The following DEUP1 variants were observed in gnomAD, a reference collection of about 807,000 sequenced individuals.
The protein encoded by DEUP1 is coiled-coil domain containing 67.
DEUP1 carries 82 observed loss-of-function variants against 87.4 expected under a neutral mutation model. The observed-to-expected ratio is 0.94, with a 90% confidence interval of 0.78 to 1.13. The LOEUF (loss-of-function observed/expected upper bound fraction) is 1.13. Ranked by LOEUF, DEUP1 falls within the 50% of genes most tolerant of loss-of-function variation. The probability of loss-of-function intolerance (pLI) is 0.00; values close to 1 mark genes in which losing one functional copy is unlikely to be tolerated. For missense variants in DEUP1, 663 were observed against 681.5 expected, an observed-to-expected ratio of 0.97 and a Z score of 0.30; for synonymous variants, 214 against 222.7, an observed-to-expected ratio of 0.96 and a Z score of 0.35.
At chr11:93,335,748 T>C (rs1943727356) in intron 2 of DEUP1, among the ~76,000 whole-genome samples, 1 of 152,246 alleles carries the variant, frequency 6.6e-6, no homozygotes, top group Non-Finnish European at 1.5e-5. Flanking sequence ...AATATCTTTG[T>C]TCATCACCTT....
intron 11 of DEUP1, among the ~76,000 whole-genome samples, chr11:93,398,595 T>A (rs1245690356): frequency 6.6e-6 from 1 of 152,196 alleles, no homozygotes; most frequent in Non-Finnish European, 1.5e-5. Context: ...AATAGCTCTT[T>A]AATTTGCATT....
intron 11 of DEUP1, among the ~76,000 whole-genome samples, chr11:93,400,305 G>A (rs184501827): frequency 3.3e-5 from 5 of 152,292 alleles, no homozygotes; most frequent in Admixed American, 3.3e-4. Flanking sequence ...ACCTGTAGAA[G>A]AGAATGTTTC....
chr11:93,343,862 G>T (rs934618133), intron 2 of DEUP1, among the ~76,000 whole-genome samples: 1 of 152,040 alleles, frequency 6.6e-6, no homozygotes, highest in Non-Finnish European at 1.5e-5. Context: ...GAATAATGAG[G>T]TTTATACCTT....
intron 12 of DEUP1, 44 bp from the exon 13 acceptor site, chr11:93,414,954 CAT>C (rs757871740): frequency 2.2e-5 from 23 of 1,056,202 alleles, no homozygotes; most frequent in Non-Finnish European, 2.1e-5. Context: ...CATAAATAAA[CAT>C]GTGTCCTTGA....
intron 1 of DEUP1, among the ~76,000 whole-genome samples, chr11:93,331,630 G>A (rs1468075701): frequency 6.6e-6 from 1 of 152,142 alleles, no homozygotes; most frequent in Non-Finnish European, 1.5e-5. Context: ...CTCTTTTAAT[G>A]GGAATTCTGT....
chr11:93,432,209 G>A (rs1273564121), intron 13 of DEUP1, among the ~76,000 whole-genome samples: 1 of 152,200 alleles, frequency 6.6e-6, no homozygotes, highest in Non-Finnish European at 1.5e-5. Context: ...AGAGGATGGG[G>A]CTCAAGGAGG....
At chr11:93,354,616 G>C (rs538982263) in intron 2 of DEUP1, among the ~76,000 whole-genome samples, 9 of 152,222 alleles carry the variant, frequency 5.9e-5, no homozygotes, top group Non-Finnish European at 1.3e-4. Context: ...TCAGAATCAT[G>C]GGGGGAGCCA....
chr11:93,418,462 C>A (rs1947729084), intron 13 of DEUP1, among the ~76,000 whole-genome samples: 2 of 152,134 alleles, frequency 1.3e-5, no homozygotes, highest in African/African-American at 2.4e-5. Context: ...CAGAGAAATG[C>A]AAATCAAAAC....
At chr11:93,361,630 A>G (rs1035266226) in intron 4 of DEUP1, among the ~76,000 whole-genome samples, 2 of 152,124 alleles carry the variant, frequency 1.3e-5, no homozygotes, top group Non-Finnish European at 2.9e-5. Flanking sequence ...AAAAAGATCT[A>G]CAAAGAGATA....
chr11:93,427,496 A>G (rs1435050151), intron 13 of DEUP1, among the ~76,000 whole-genome samples: 1 of 152,134 alleles, frequency 6.6e-6, no homozygotes, highest in East Asian at 1.9e-4. Context: ...AAAGAGTTAA[A>G]TGTTAGACCT....
chr11:93,428,292 G>A (rs180697617), intron 13 of DEUP1, among the ~76,000 whole-genome samples: 3 of 152,108 alleles, frequency 2.0e-5, no homozygotes, highest in Non-Finnish European at 2.9e-5. Context: ...CATGTCCTCT[G>A]TAGGGACATG....
rs1293587591 is a variant in DEUP1 at position 93,382,701 on chromosome 11, A to G, written c.790-2697A>G. On this transcript the variant is annotated intron_variant, in intron 7 of 13. Transcript: ENST00000298050. ...ATATTTGATTGCTCCCTAGTGGCAAATTTGCAAACCAGGGAGCCCACATAG... is the reference window on the plus strand; with the variant it reads ...ATATTTGATTGCTCCCTAGTGGCAAGTTTGCAAACCAGGGAGCCCACATAG... Among the ~76,000 whole-genome samples, 3 of 152,248 alleles carry G rather than the reference A, an allele frequency of 2.0e-5. No individual in the cohort carries two copies. The East Asian group carries it at 5.8e-4, about 29-fold the overall frequency.
chr11:93,334,332 C>T (rs766955299), intron 2 of DEUP1, among the ~76,000 whole-genome samples: 1 of 152,218 alleles, frequency 6.6e-6, no homozygotes, highest in Non-Finnish European at 1.5e-5. Context: ...GAGCAGCCTA[C>T]ATTTAACAGA....
intron 7 of DEUP1, among the ~76,000 whole-genome samples, chr11:93,376,239 C>A (rs1016922848): frequency 2.0e-5 from 3 of 152,128 alleles, no homozygotes; most frequent in Non-Finnish European, 4.4e-5. Flanking sequence ...CCACTGCACC[C>A]GGCCTATATT....
At chr11:93,355,335 A>G in intron 2 of DEUP1, 36 bp from the exon 3 acceptor site, 6 of 1,597,298 alleles carry the variant, frequency 3.8e-6, no homozygotes, top group Non-Finnish European at 5.1e-6. Flanking sequence ...ACATTTCACT[A>G]CTTTAAAATG....
intron 2 of DEUP1, among the ~76,000 whole-genome samples, chr11:93,339,390 C>G (rs532323693): frequency 1.3e-5 from 2 of 152,134 alleles, no homozygotes; most frequent in Non-Finnish European, 2.9e-5. Context: ...CAAATTTTCT[C>G]TAAAAAGGAG....
chr11:93,428,527 A>G (rs1195110794), intron 13 of DEUP1, among the ~76,000 whole-genome samples: 1 of 152,146 alleles, frequency 6.6e-6, no homozygotes, highest in Non-Finnish European at 1.5e-5. Flanking sequence ...GCACACCAAC[A>G]TGGCACATGT....
chr11:93,384,676 C>G lies in DEUP1; in HGVS notation c.790-722C>G, dbSNP rs567468493. 7.7e-4 allele frequency among the ~76,000 whole-genome samples: 117 copies of G among 152,312 alleles called. 1 individual carries two copies. The highest frequency in any genetic ancestry group is 4.8e-3 in the South Asian group (23 of 4,830). On this transcript the variant is annotated intron_variant, in intron 7 of 13. Transcript: ENST00000298050. ...GTTTATAATTCATTTTGTTGGCCAGCTTTGCCATTAGCTTATTCTTGATTA... is the reference window on the plus strand; with the variant it reads ...GTTTATAATTCATTTTGTTGGCCAGGTTTGCCATTAGCTTATTCTTGATTA...
intron 4 of DEUP1, among the ~76,000 whole-genome samples, chr11:93,363,823 CACTA>C (rs1331024131): frequency 6.6e-6 from 1 of 151,890 alleles, no homozygotes; most frequent in East Asian, 1.9e-4. Flanking sequence ...CACAAGACGG[CACTA>C]ACTAAAAGTA....
Sources: gnomAD v4.1 joint callset for allele counts (sites outside exome capture counted in the v4.1 genomes callset) on GRCh38, gnomAD v4.1.1 for gene constraint, MANE v1.5 for transcripts, NCBI Gene and HGNC (gene_info 2026-07-23, HGNC 2026-07-21) for gene names.